Variants in CPAMD8 observed in about 807,000 individuals in gnomAD.
The protein encoded by CPAMD8 is C3 and PZP like alpha-2-macroglobulin domain containing 8.
Under a neutral mutation model 224.7 loss-of-function variants are expected in CPAMD8, and 146 were observed. The observed-to-expected ratio is 0.65, with a 90% CI of 0.57 to 0.75. CPAMD8 has a LOEUF of 0.75. Ranked by LOEUF, CPAMD8 falls within the 30% of genes least tolerant of loss-of-function variation. The pLI, the probability that CPAMD8 is intolerant of heterozygous loss-of-function variation, is 0.00. For synonymous variants in CPAMD8, 966 were observed against 1,044.6 expected (o/e 0.92, Z 1.45); for missense variants, 2,301 against 2,537.5 (o/e 0.91, Z 2.00).
At chr19:17,011,800 G>A (rs772609788) in intron 3 of CPAMD8, 43 bp from the exon 4 acceptor site, 2 of 1,595,524 alleles carry the variant, frequency 1.3e-6, no homozygotes, top group Non-Finnish European at 1.7e-6. Context: ...ATTCACCCTG[G>A]AATGGGCCAA....
intron 17 of CPAMD8, among the ~76,000 whole-genome samples, chr19:16,972,285 T>C (rs977441762): frequency 1.3e-5 from 2 of 152,118 alleles, no homozygotes; most frequent in Non-Finnish European, 2.9e-5. Context: ...CACCTCAGCC[T>C]CTTGAGTAGC....
chr19:17,008,608 C>G (rs2056558822), intron 6 of CPAMD8, 49 bp from the exon 7 acceptor site: 2 of 1,587,164 alleles, frequency 1.3e-6, no homozygotes, highest in South Asian at 1.1e-5. Flanking sequence ...TCAGGCTAGC[C>G]TAGCATGTGC....
At chr19:16,896,030 C>G (rs1489157591) in intron 41 of CPAMD8, 146 bp downstream of exon 41, 1 of 890,258 alleles carries the variant, frequency 1.1e-6, no homozygotes, top group Non-Finnish European at 1.8e-6. Context: ...CTCTGAGCCT[C>G]TGACCCTGAG....
At position 16,990,863 on chromosome 19, in the gene CPAMD8, C is replaced by CAAAAAAA. The variant is rs3067791; in HGVS notation, c.1267-1099_1267-1093dup. ...GGGCAATAAGAGCAAAACTCTGTCT[C>CAAAAAAA]AAAAAAAAAAAAAAAAAAAAAAAAA... On this transcript the variant is annotated intron_variant, in intron 12 of 41. Transcript: ENST00000443236. Among the ~76,000 whole-genome samples, 32 of 73,138 alleles carry CAAAAAAA rather than the reference C, an allele frequency of 4.4e-4. 1 individual carries two copies. Among genetic ancestry groups the CAAAAAAA allele is most frequent in the African/African-American group, 1.4e-3 (23 of 16,596 alleles). The allele number at this position is 73,138 out of a possible 152,430, so 48.0% of individuals were successfully genotyped here. A position where few individuals can be genotyped will look rare whatever the true frequency, so the allele number is the denominator to read the frequency against.
intron 22 of CPAMD8, among the ~76,000 whole-genome samples, chr19:16,942,585 T>TG (rs139605645): frequency 5.3e-5 from 8 of 152,350 alleles, no homozygotes; most frequent in Non-Finnish European, 8.8e-5. Flanking sequence ...GACCATTGGC[T>TG]GGGGCCCTGG....
chr19:17,009,497 A>G (rs1161727874), intron 5 of CPAMD8, 177 bp from the exon 6 acceptor site: 2 of 1,091,686 alleles, frequency 1.8e-6, no homozygotes, highest in Non-Finnish European at 2.6e-6. Context: ...AGAAAGACTC[A>G]TTACAGGTGG....
At chr19:16,980,267 C>T (rs998857252) in intron 14 of CPAMD8, among the ~76,000 whole-genome samples, 2 of 152,180 alleles carry the variant, frequency 1.3e-5, no homozygotes, top group South Asian at 4.1e-4. Flanking sequence ...TTCCCTGTCC[C>T]CTGCACACAC....
intron 21 of CPAMD8, among the ~76,000 whole-genome samples, chr19:16,946,247 T>C (rs1024192817): frequency 2.0e-5 from 3 of 151,484 alleles, no homozygotes; most frequent in African/African-American, 7.3e-5. Context: ...GTGATGCATG[T>C]CTACACATGT....
rs752078158 is a variant in CPAMD8, at chr19:17,011,533, A to T, written c.434-17T>A. On this transcript the variant is annotated splice_polypyrimidine_tract_variant and intron_variant, in intron 4 of 41. Coordinates refer to ENST00000443236, the MANE Select transcript of CPAMD8 (RefSeq NM_015692.5). ...TTATGAGCACTAGAAGAAAGAAGAG[A>T]GGCGTGTGACACCTCCAGACCATGG... 1.2e-6 allele frequency: 2 copies of T among 1,613,964 alleles called. No individual in the cohort carries two copies. Among genetic ancestry groups the T allele is most frequent in the African/African-American group, 2.7e-5 (2 of 74,948 alleles).
At position 17,000,542 on chromosome 19, in the gene CPAMD8, C is replaced by T. The variant is rs771533529; in HGVS notation, c.759-20G>A. 8.4e-6 allele frequency: 9 copies of T among 1,065,876 alleles called. No individual in the cohort carries two copies. Among genetic ancestry groups the T allele is most frequent in the Non-Finnish European group, 1.3e-5 (9 of 679,934 alleles). The allele number at this position is 1,065,876 out of a possible 1,614,324, so 66.0% of individuals were successfully genotyped here. A position where few individuals can be genotyped will look rare whatever the true frequency, so the allele number is the denominator to read the frequency against. On this transcript the variant is annotated intron_variant, in intron 9 of 41. Coordinates refer to ENST00000443236, the MANE Select transcript of CPAMD8 (RefSeq NM_015692.5). ...GTATACCTGGAACAAAAGGATAAAGCATGCTCAATTTCACAGCCAAGATGG... is the reference window on the plus strand; with the variant it reads ...GTATACCTGGAACAAAAGGATAAAGTATGCTCAATTTCACAGCCAAGATGG...
rs1239934981 is a variant in CPAMD8 at position 16,903,759 on chromosome 19, G to T, written c.4350C>A (p.Asp1450Glu). ...LTVSLASTNL[D>E]YQETFELHRT... is the part of the protein sequence containing the mutation. ...TGTGCAGCTCGAAGGTTTCCTGGTA[G>T]TCCAGGTTGGTGGAGGCCAGGGAGA... The change falls in exon 33 of 42, where the codon GAC becomes GAA. Residue 1450 changes from aspartate (D) to glutamate (E), a missense_variant. Coordinates refer to ENST00000443236, the MANE Select transcript of CPAMD8 (RefSeq NM_015692.5). The T allele has an allele frequency of 1.9e-6, 3 of 1,614,030 alleles. No individual in the cohort carries two copies. The highest frequency in any genetic ancestry group is 2.5e-6 in the Non-Finnish European group (3 of 1,180,004).
At chr19:17,011,408 C>A (rs1683515850) in intron 5 of CPAMD8, 56 bp downstream of exon 5, 1 of 1,588,774 alleles carries the variant, frequency 6.3e-7, no homozygotes, top group Non-Finnish European at 8.6e-7. Flanking sequence ...GTGGCCCTGG[C>A]CAGGTAGTCC....
chr19:16,935,939 T>G (rs1477095174), intron 23 of CPAMD8, among the ~76,000 whole-genome samples: 1 of 152,092 alleles, frequency 6.6e-6, no homozygotes, highest in Non-Finnish European at 1.5e-5. Context: ...TATTTTTTTT[T>G]TTTTTTGAGA....
rs200916574 is a variant in CPAMD8 at position 16,903,877 on chromosome 19, C to T, written c.4252-20G>A. ...GGTGTCCTGGGGATGGAGGAGGAGA[C>T]GGCCATCAACCCTGAGACTGAGTTG... is the stretch of plus-strand genomic sequence containing the variant. On this transcript the variant is annotated intron_variant, in intron 32 of 41. Transcript: ENST00000443236. The T allele has an allele frequency of 1.8e-4, 293 of 1,610,152 alleles. No individual in the cohort carries two copies. In the East Asian group the frequency reaches 5.7e-3, roughly 31 times the overall value.
In CPAMD8 at chr19:16,897,760, G is replaced by T. The variant is rs1215346820; in HGVS notation, c.4996C>A (p.Pro1666Thr). ...CCGGCGCACAGTTCCCGGGCGAGTG[G>T]GCTGTGGGTGCTGACGTTGTAGAAG... is the stretch of plus-strand genomic sequence containing the variant. Reference protein sequence around the residue: ...TRFYNVSTHSPLARELCAGPA... With the variant: ...TRFYNVSTHSTLARELCAGPA... The change falls in exon 39 of 42, where the codon CCA (proline) becomes ACA (threonine). Residue 1666 changes from proline to threonine, a missense_variant. Coordinates refer to ENST00000443236, the MANE Select transcript of CPAMD8 (RefSeq NM_015692.5). 1.9e-6 allele frequency: 3 copies of T among 1,584,234 alleles called. No individual in the cohort carries two copies. The highest frequency in any genetic ancestry group is 2.3e-5 in the South Asian group (2 of 86,814).
At chr19:17,013,955 CCTTT>C (rs1437490380) in intron 3 of CPAMD8, among the ~76,000 whole-genome samples, 47 of 148,916 alleles carry the variant, frequency 3.2e-4, no homozygotes, top group Admixed American at 1.2e-3. Context: ...TCCCTCCCTT[CCTTT>C]CTTTCTTCCT....
intron 18 of CPAMD8, among the ~76,000 whole-genome samples, chr19:16,960,313 G>A (rs1037155261): frequency 7.2e-5 from 11 of 152,176 alleles, no homozygotes; most frequent in African/African-American, 1.4e-4. Context: ...GGAAACACCC[G>A]CAGACGTGTG....
intron 19 of CPAMD8, 58 bp downstream of exon 19, chr19:16,957,795 G>T (rs1194803295): frequency 1.3e-6 from 2 of 1,550,818 alleles, no homozygotes; most frequent in Non-Finnish European, 1.8e-6. Context: ...CTCTGGACCC[G>T]CATGAGTGTC....
chr19:16,970,057 A>AC (rs1346171397), intron 18 of CPAMD8, among the ~76,000 whole-genome samples: 1 of 149,402 alleles, frequency 6.7e-6, no homozygotes, highest in East Asian at 2.0e-4. Context: ...ACACAGTGAA[A>AC]CCCCGTCTCT....
Sources: allele counts gnomAD v4.1 joint callset (sites outside exome capture counted in the v4.1 genomes callset), GRCh38; gene constraint gnomAD v4.1.1; transcripts MANE v1.5; gene names NCBI Gene and HGNC (gene_info 2026-07-23, HGNC 2026-07-21).